EFCAB6: variants seen among roughly 807,000 people sequenced by gnomAD.
EFCAB6 encodes the protein EF-hand calcium binding domain 6.
In EFCAB6, 156 loss-of-function variants were observed where a neutral mutation model predicts 169.8. That is an observed-to-expected ratio of 0.92 (90% CI 0.81 to 1.05). The LOEUF (loss-of-function observed/expected upper bound fraction) is 1.05. EFCAB6 is among the 50% of genes least tolerant of loss of function. The probability of loss-of-function intolerance (pLI) is 0.00; values close to 1 mark genes in which losing one functional copy is unlikely to be tolerated. For synonymous variants in EFCAB6, 698 were observed against 676.4 expected, an observed-to-expected ratio of 1.03 and a Z score of -0.50; for missense variants, 1,800 against 1,829.1, an observed-to-expected ratio of 0.98 and a Z score of 0.29.
chr22:43,580,661 T>C lies in EFCAB6; in HGVS notation c.3033-2A>G, dbSNP rs2050663400. The C allele has an allele frequency of 6.2e-7, 1 of 1,613,162 alleles. No individual in the cohort carries two copies. ...TTATCATGCCGGCTGACTCCCCAAC[T>C]TGTCCCAAAAGGAAGAAAAGAACAT... On this transcript the variant is annotated splice_acceptor_variant, in intron 24 of 31. Coordinates refer to ENST00000262726, the MANE Select transcript of EFCAB6 (RefSeq NM_022785.4). LOFTEE classifies it high-confidence loss of function.
intron 8 of EFCAB6, among the ~76,000 whole-genome samples, chr22:43,729,116 C>T (rs1017193306): frequency 1.3e-5 from 2 of 152,164 alleles, no homozygotes; most frequent in Admixed American, 6.5e-5. Context: ...TGCCTGTCTC[C>T]TTTAAATACC....
chr22:43,787,386 T>C (rs1014057500), intron 2 of EFCAB6, among the ~76,000 whole-genome samples: 1 of 139,380 alleles, frequency 7.2e-6, no homozygotes. Flanking sequence ...ACACACACAA[T>C]TAGAACTAAT....
chr22:43,757,381 C>T (rs1047184057), intron 5 of EFCAB6, among the ~76,000 whole-genome samples: 2 of 152,048 alleles, frequency 1.3e-5, no homozygotes, highest in Non-Finnish European at 2.9e-5. Context: ...AACCCCATCT[C>T]TACTAAAAAT....
intron 17 of EFCAB6, among the ~76,000 whole-genome samples, chr22:43,663,021 T>C (rs1415370218): frequency 6.6e-6 from 1 of 152,210 alleles, no homozygotes; most frequent in Non-Finnish European, 1.5e-5. Context: ...GTTTGTGAAA[T>C]GTGTATACTC....
chr22:43,533,746 G>A (rs1050065603), intron 30 of EFCAB6, among the ~76,000 whole-genome samples: 112 of 152,188 alleles, frequency 7.4e-4, no homozygotes, highest in African/African-American at 2.6e-3. Flanking sequence ...TTGAAGTAAC[G>A]GAGCAAATGG....
chr22:43,612,747 A>T (rs574202368), intron 21 of EFCAB6, among the ~76,000 whole-genome samples: 2 of 152,192 alleles, frequency 1.3e-5, no homozygotes, highest in African/African-American at 4.8e-5. Flanking sequence ...CAAAAAAATT[A>T]GCCAGGCATG....
At chr22:43,652,868 A>T (rs2056544829) in intron 17 of EFCAB6, among the ~76,000 whole-genome samples, 1 of 152,158 alleles carries the variant, frequency 6.6e-6, no homozygotes, top group Non-Finnish European at 1.5e-5. Context: ...GTATATTGAG[A>T]CAAAAGAAGA....
intron 5 of EFCAB6, among the ~76,000 whole-genome samples, chr22:43,763,570 T>C (rs2061234806): frequency 6.6e-6 from 1 of 152,204 alleles, no homozygotes; most frequent in Non-Finnish European, 1.5e-5. Flanking sequence ...ATAAAAGCCA[T>C]GATACCAGAA....
At chr22:43,539,668 A>G (rs563811043) in intron 28 of EFCAB6, among the ~76,000 whole-genome samples, 4 of 152,260 alleles carry the variant, frequency 2.6e-5, no homozygotes, top group African/African-American at 9.6e-5. Flanking sequence ...CCTGGGCTTA[A>G]AATCAGGTCG....
chr22:43,653,775 C>T (rs1052407946), intron 17 of EFCAB6, among the ~76,000 whole-genome samples: 2 of 152,034 alleles, frequency 1.3e-5, no homozygotes, highest in Non-Finnish European at 2.9e-5. Flanking sequence ...GTGGCCCTGT[C>T]TTTGGAGGAA....
At chr22:43,782,545 C>T (rs927604631) in intron 2 of EFCAB6, among the ~76,000 whole-genome samples, 5 of 152,174 alleles carry the variant, frequency 3.3e-5, no homozygotes, top group East Asian at 1.9e-4. Context: ...ACTTCAAAAA[C>T]GGCAAAATAA....
intron 17 of EFCAB6, among the ~76,000 whole-genome samples, chr22:43,655,681 A>G (rs1442016006): frequency 1.3e-5 from 2 of 152,214 alleles, no homozygotes; most frequent in African/African-American, 4.8e-5. Context: ...CGGACCGAAT[A>G]CTTCAAGTGG....
intron 27 of EFCAB6, among the ~76,000 whole-genome samples, chr22:43,546,915 C>T (rs1042985894): frequency 6.6e-6 from 1 of 151,338 alleles, no homozygotes; most frequent in African/African-American, 2.4e-5. Flanking sequence ...AGTCTCTACT[C>T]AGAAAAGTTA....
chr22:43,698,497 TGAA>T (rs1250772439), intron 10 of EFCAB6, among the ~76,000 whole-genome samples: 1 of 152,100 alleles, frequency 6.6e-6, no homozygotes, highest in Non-Finnish European at 1.5e-5. Flanking sequence ...ATTTGTTGAG[TGAA>T]GAAGGTGTGG....
At chr22:43,706,981 T>C (rs879411769) in intron 10 of EFCAB6, among the ~76,000 whole-genome samples, 14 of 152,158 alleles carry the variant, frequency 9.2e-5, no homozygotes, top group Non-Finnish European at 2.1e-4. Context: ...GGGAAATCCA[T>C]AGGTATTAGG....
intron 23 of EFCAB6, among the ~76,000 whole-genome samples, chr22:43,599,568 C>T (rs1287107353): frequency 2.1e-5 from 3 of 140,534 alleles, no homozygotes; most frequent in Non-Finnish European, 4.6e-5. Flanking sequence ...GCAGGTCACA[C>T]CTTCCCGTTG....
intron 10 of EFCAB6, among the ~76,000 whole-genome samples, chr22:43,688,980 T>G (rs932964653): frequency 9.2e-5 from 14 of 152,302 alleles, no homozygotes; most frequent in Admixed American, 8.5e-4. Context: ...TAATAGAGGA[T>G]AAAAGAGTGA....
At chr22:43,787,695 T>G (rs949519790) in intron 2 of EFCAB6, among the ~76,000 whole-genome samples, 4 of 152,226 alleles carry the variant, frequency 2.6e-5, no homozygotes, top group Non-Finnish European at 5.9e-5. Flanking sequence ...TTTATCAAAA[T>G]CCCAACTGCC....
chr22:43,590,887 GAGA>G (rs1255670826), intron 23 of EFCAB6, among the ~76,000 whole-genome samples: 1 of 152,202 alleles, frequency 6.6e-6, no homozygotes, highest in African/African-American at 2.4e-5. Context: ...CCCTAAGGAG[GAGA>G]AGAAGGGCAG....
Sources: allele counts gnomAD v4.1 joint callset (sites outside exome capture counted in the v4.1 genomes callset), GRCh38; gene constraint gnomAD v4.1.1; transcripts MANE v1.5; gene names NCBI Gene and HGNC (gene_info 2026-07-23, HGNC 2026-07-21).